The following CRISPLD2 variants were observed in gnomAD, a reference collection of about 807,000 sequenced individuals.
CRISPLD2 encodes the protein cysteine-rich secretory protein LCCL domain-containing 2.
A neutral mutation model predicts 71.1 loss-of-function variants in CRISPLD2; 47 were observed. That is an observed-to-expected ratio of 0.66 (90% CI 0.52 to 0.84). The LOEUF is 0.84. Ranked by LOEUF, CRISPLD2 falls within the 40% of genes least tolerant of loss-of-function variation. The pLI, the probability that CRISPLD2 is intolerant of heterozygous loss-of-function variation, is 0.00. For missense variants in CRISPLD2, 830 were observed against 651.1 expected, an observed-to-expected ratio of 1.27 and a Z score of -2.99; for synonymous variants, 317 against 250.1, an observed-to-expected ratio of 1.27 and a Z score of -2.52.
intron 13 of CRISPLD2, among the ~76,000 whole-genome samples, chr16:84,884,798 C>G (rs1276403310): frequency 1.3e-5 from 2 of 152,144 alleles, no homozygotes; most frequent in Admixed American, 6.6e-5. Context: ...ACTTTTGTGT[C>G]CAGAAATCCT....
intron 6 of CRISPLD2, among the ~76,000 whole-genome samples, chr16:84,856,980 T>G (rs1484717224): frequency 6.6e-6 from 1 of 152,114 alleles, no homozygotes; most frequent in Non-Finnish European, 1.5e-5. Context: ...GTATCCAGAG[T>G]AAGCATGTGT....
chr16:84,881,829 C>G (rs911610089), intron 13 of CRISPLD2, among the ~76,000 whole-genome samples: 1 of 151,988 alleles, frequency 6.6e-6, no homozygotes, highest in African/African-American at 2.4e-5. Context: ...TTACAGCTCT[C>G]TCCCGCTTCC....
At position 84,872,464 on chromosome 16, in the gene CRISPLD2, C is replaced by G; in HGVS notation, c.937C>G (p.Leu313Val). The G allele has an allele frequency of 6.2e-7, 1 of 1,614,016 alleles. No individual in the cohort carries two copies. Among genetic ancestry groups the G allele is most frequent in the Non-Finnish European group, 8.5e-7 (1 of 1,179,948 alleles). ...CNRYQCPAGC[L>V]NHKAKIFGTL... The stretch of plus-strand genomic sequence containing the variant: ...CAGGTACCAGTGCCCAGCAGGCTGC[C>G]TGAACCACAAGGCGAAGATCTTTGG... The change falls in exon 9 of 15, where the codon CTG becomes GTG. Residue 313 changes from leucine (L) to valine (V), a missense_variant. Transcript: ENST00000262424.
At chr16:84,850,453 C>G (rs933326822) in intron 4 of CRISPLD2, 115 bp from the exon 5 acceptor site, 37 of 796,588 alleles carry the variant, frequency 4.6e-5, no homozygotes, top group Non-Finnish European at 8.0e-5. Context: ...ATCTGCTTCC[C>G]CAACCCTTCA....
In CRISPLD2 at chr16:84,855,324, C is replaced by T. The variant is rs192301201; in HGVS notation, c.709+495C>T. Among the ~76,000 whole-genome samples, 443 of 152,126 alleles carry T rather than the reference C, an allele frequency of 2.9e-3. 1 individual carries two copies. Among genetic ancestry groups the T allele is most frequent in the Non-Finnish European group, 4.6e-3 (316 of 68,012 alleles). On this transcript the variant is annotated intron_variant, in intron 6 of 14. Coordinates refer to ENST00000262424, the MANE Select transcript of CRISPLD2 (RefSeq NM_031476.4). ...AGTTTATTAAGGAGTATTAAACTCA[C>T]GTGATCACAAGATCCCACAATAGGC...
intron 1 of CRISPLD2, among the ~76,000 whole-genome samples, chr16:84,836,976 G>T (rs1168820400): frequency 1.3e-5 from 2 of 152,216 alleles, no homozygotes; most frequent in African/African-American, 4.8e-5. Flanking sequence ...TGTGGGGACT[G>T]CGGGTTTCCT....
At chr16:84,838,354 G>T in intron 1 of CRISPLD2, 68 bp from the exon 2 acceptor site, 3 of 998,598 alleles carry the variant, frequency 3.0e-6, no homozygotes, top group Non-Finnish European at 4.4e-6. Context: ...TGCGTTCGCT[G>T]CTCCAGCCAG....
chr16:84,843,533 C>T (rs534947109), intron 2 of CRISPLD2, among the ~76,000 whole-genome samples: 11 of 152,302 alleles, frequency 7.2e-5, no homozygotes, highest in South Asian at 2.1e-4. Flanking sequence ...TTTGTGACTT[C>T]GGGCAGATTG....
chr16:84,852,289 C>G (rs1313123004), intron 5 of CRISPLD2, among the ~76,000 whole-genome samples: 1 of 152,238 alleles, frequency 6.6e-6, no homozygotes, highest in Admixed American at 6.5e-5. Context: ...GGCAATAGCC[C>G]TCTACCCGTG....
intron 7 of CRISPLD2, among the ~76,000 whole-genome samples, chr16:84,868,077 C>G (rs1280433084): frequency 6.6e-6 from 1 of 152,196 alleles, no homozygotes; most frequent in Non-Finnish European, 1.5e-5. Context: ...CTGGACCCCT[C>G]TTTGAGGAAC....
At chr16:84,886,943 A>C (rs932674890) in intron 13 of CRISPLD2, among the ~76,000 whole-genome samples, 1 of 152,124 alleles carries the variant, frequency 6.6e-6, no homozygotes, top group Non-Finnish European at 1.5e-5. Flanking sequence ...GCAAATCTGA[A>C]ACCCTGTACC....
intron 13 of CRISPLD2, among the ~76,000 whole-genome samples, chr16:84,887,392 C>T (rs1385435672): frequency 6.6e-6 from 1 of 152,242 alleles, no homozygotes; most frequent in African/African-American, 2.4e-5. Flanking sequence ...ACGGCCGTGA[C>T]ATCACTCGGT....
At chr16:84,872,657 TG>T in intron 9 of CRISPLD2, 149 bp downstream of exon 9, 1 of 741,662 alleles carries the variant, frequency 1.3e-6, no homozygotes. Flanking sequence ...TGTATATTTA[TG>T]GGCTTACAAA....
intron 2 of CRISPLD2, chr16:84,839,074 T>C: frequency 2.5e-6 from 1 of 401,564 alleles, no homozygotes; most frequent in Non-Finnish European, 4.8e-6. Context: ...TTTGTGGAGA[T>C]GGGGGTCTTG....
intron 6 of CRISPLD2, among the ~76,000 whole-genome samples, chr16:84,860,875 C>T (rs1917360854): frequency 1.3e-5 from 2 of 152,186 alleles, no homozygotes; most frequent in South Asian, 4.1e-4. Flanking sequence ...AAGACTCACT[C>T]ATGATAATCT....
At chr16:84,876,225 G>T (rs112788026) in intron 11 of CRISPLD2, among the ~76,000 whole-genome samples, 1 of 152,194 alleles carries the variant, frequency 6.6e-6, no homozygotes, top group African/African-American at 2.4e-5. Context: ...TACCTGGCCG[G>T]GCGCGGTGGC....
chr16:84,847,650 CA>C (rs146057638), intron 3 of CRISPLD2, among the ~76,000 whole-genome samples: 3,072 of 130,476 alleles, frequency 0.024, 50 homozygotes, highest in Middle Eastern at 0.075. Context: ...GAATTCGTCT[CA>C]AAAAAAAAAA....
chr16:84,859,177 G>T (rs1294904162), intron 6 of CRISPLD2, among the ~76,000 whole-genome samples: 1 of 152,190 alleles, frequency 6.6e-6, no homozygotes. Flanking sequence ...CAAAGTGGGG[G>T]TTCTGCCAGC....
intron 7 of CRISPLD2, among the ~76,000 whole-genome samples, chr16:84,867,676 C>T (rs1322305630): frequency 6.6e-6 from 1 of 152,236 alleles, no homozygotes; most frequent in Non-Finnish European, 1.5e-5. Flanking sequence ...AAGCAATTCT[C>T]CTGCCTCAGC....
Sources: gnomAD v4.1 joint callset for allele counts (sites outside exome capture counted in the v4.1 genomes callset) on GRCh38, gnomAD v4.1.1 for gene constraint, MANE v1.5 for transcripts, NCBI Gene and HGNC (gene_info 2026-07-23, HGNC 2026-07-21) for gene names.